The following RIPOR2 variants were observed in gnomAD, a reference collection of about 807,000 sequenced individuals.
RIPOR2 encodes RHO family interacting cell polarization regulator 2, also known as rho family-interacting cell polarization regulator 2.
RIPOR2 carries 39 observed loss-of-function variants against 114.5 expected under a neutral mutation model. The ratio of observed to expected loss-of-function variants is 0.34; its 90% CI spans 0.26 to 0.44. The LOEUF (loss-of-function observed/expected upper bound fraction) is 0.44. Among genes scored for constraint, RIPOR2 ranks in the 20% least tolerant of loss-of-function variants. The pLI is 1.00. For missense variants in RIPOR2, 1,007 were observed against 1,255.1 expected, an observed-to-expected ratio of 0.80 and a Z score of 2.99; for synonymous variants, 445 against 484.4, an observed-to-expected ratio of 0.92 and a Z score of 1.07.
At chr6:24,869,955 T>A (rs1884161) in intron 5 of RIPOR2, among the ~76,000 whole-genome samples, 61,563 of 151,958 alleles carry the variant, frequency 0.41, 13,096 homozygotes, top group African/African-American at 0.55. Context: ...TATGCATTTA[T>A]TTGCCTTTTA....
At chr6:24,910,871 T>C (rs1769497760) in intron 1 of RIPOR2, 5 of 985,164 alleles carry the variant, frequency 5.1e-6, no homozygotes, top group Non-Finnish European at 4.8e-6. Context: ...TTCTCTGGCA[T>C]ATAAAAGCCT....
chr6:25,033,554 G>A (rs1777100941), intron 1 of RIPOR2, among the ~76,000 whole-genome samples: 1 of 152,114 alleles, frequency 6.6e-6, no homozygotes, highest in African/African-American at 2.4e-5. Flanking sequence ...ATTGCTATTG[G>A]GTATTACTGC....
At chr6:25,019,835 T>A (rs1304391106) in intron 1 of RIPOR2, among the ~76,000 whole-genome samples, 1 of 148,744 alleles carries the variant, frequency 6.7e-6, no homozygotes, top group Admixed American at 6.7e-5. Context: ...GAAAAAGATG[T>A]CAATAAGTAT....
intron 1 of RIPOR2, among the ~76,000 whole-genome samples, chr6:25,036,488 T>C (rs2113772982): frequency 1.3e-5 from 2 of 152,224 alleles, no homozygotes; most frequent in South Asian, 4.2e-4. Flanking sequence ...AGTTCCTAAG[T>C]TCAATCAATC....
At chr6:24,976,182 T>C (rs750091330) in intron 1 of RIPOR2, among the ~76,000 whole-genome samples, 27 of 152,142 alleles carry the variant, frequency 1.8e-4, no homozygotes, top group Non-Finnish European at 3.2e-4. Context: ...GGAAAAAGAA[T>C]ATGTGCAAAC....
At chr6:24,939,330 G>A (rs1318935717), upstream of RIPOR2, among the ~76,000 whole-genome samples, 21 of 152,180 alleles carry the variant, frequency 1.4e-4, no homozygotes, top group Admixed American at 1.4e-3. Context: ...AGACAAAGGA[G>A]GCAGAGTAGG....
chr6:24,967,367 G>A (rs905801338), intron 1 of RIPOR2, among the ~76,000 whole-genome samples: 1 of 152,178 alleles, frequency 6.6e-6, no homozygotes, highest in Admixed American at 6.6e-5. Context: ...ACAGTATAAA[G>A]GATAAAGATG....
At chr6:24,922,542 A>C (rs894708820) in intron 1 of RIPOR2, among the ~76,000 whole-genome samples, 2 of 151,676 alleles carry the variant, frequency 1.3e-5, no homozygotes, top group Non-Finnish European at 2.9e-5. Context: ...TTTTGTACCC[A>C]TTCTGAACTC....
chr6:24,993,472 T>C (rs1774922609), intron 1 of RIPOR2, among the ~76,000 whole-genome samples: 1 of 152,372 alleles, frequency 6.6e-6, no homozygotes, highest in Non-Finnish European at 1.5e-5. Context: ...AGCCTATGAG[T>C]GTCATTATGT....
chr6:24,872,029 C>T (rs1765228713), intron 4 of RIPOR2, among the ~76,000 whole-genome samples: 1 of 152,148 alleles, frequency 6.6e-6, no homozygotes, highest in Admixed American at 6.5e-5. Flanking sequence ...GAGCACATTT[C>T]CTACAAAAGA....
Position 24,935,891 on chromosome 6 carries a change from A to G in RIPOR2, c.8T>C (p.Phe3Ser). Residue 3 changes from phenylalanine (F) to serine (S), a missense_variant, in exon 1 of 22, where the codon TTT becomes TCT. Phe to Ser is a radical substitution (Grantham distance 155). Coordinates refer to ENST00000643898, the MANE Select transcript of RIPOR2 (RefSeq NM_001286445.3). MQ[F>S]FDAEELLVDE... ...GACCAGGAGCTCCTCAGCATCAAAA[A>G]ACTGCATCTTGGAGAGGACAGGCGC... 6.5e-7 allele frequency: 1 copy of G among 1,535,344 alleles called. No individual in the cohort carries two copies. Among genetic ancestry groups the G allele is most frequent in the Non-Finnish European group, 8.7e-7 (1 of 1,146,668 alleles).
chr6:24,839,653 C>T, intron 13 of RIPOR2: 2 of 1,537,670 alleles, frequency 1.3e-6, no homozygotes. Flanking sequence ...AAACAAAAAA[C>T]AAAACCATGT....
intron 18 of RIPOR2, among the ~76,000 whole-genome samples, chr6:24,827,566 G>C (rs1025686056): frequency 1.3e-5 from 2 of 152,232 alleles, no homozygotes; most frequent in Non-Finnish European, 2.9e-5. Flanking sequence ...TCCCAAAGTG[G>C]AGTTTTCACT....
rs1776674456 is a variant in RIPOR2, at chr6:25,027,279, TCGAGAAG to T, written c.76+14565_76+14571del. Among the ~76,000 whole-genome samples, 5 of 152,172 alleles carry T rather than the reference TCGAGAAG, an allele frequency of 3.3e-5. No individual in the cohort carries two copies. The South Asian group carries it at 1.0e-3, about 32-fold the overall frequency. On this transcript the variant is annotated intron_variant, in intron 1 of 13. Coordinates refer to the RIPOR2 transcript ENST00000510784. Reference sequence around the variant, plus strand: ...CTTTGCTTACAAGACGGCCCAAGCATCGAGAAGCGAAGAAAAGCACTTAGCACACAGG... The same window carrying T: ...CTTTGCTTACAAGACGGCCCAAGCATCGAAGAAAAGCACTTAGCACACAGG...
intron 1 of RIPOR2, among the ~76,000 whole-genome samples, chr6:24,925,714 A>T (rs1166984166): frequency 6.6e-6 from 1 of 152,022 alleles, no homozygotes; most frequent in Non-Finnish European, 1.5e-5. Flanking sequence ...AAAAAAAAAA[A>T]ATTTGGTTCA....
At chr6:24,973,336 C>T (rs949767090) in intron 1 of RIPOR2, among the ~76,000 whole-genome samples, 1 of 152,092 alleles carries the variant, frequency 6.6e-6, no homozygotes, top group African/African-American at 2.4e-5. Context: ...GGCTTGGTGG[C>T]TTATGCCTGT....
At chr6:24,859,852 G>A (rs1763881668) in intron 8 of RIPOR2, among the ~76,000 whole-genome samples, 1 of 152,168 alleles carries the variant, frequency 6.6e-6, no homozygotes, top group Non-Finnish European at 1.5e-5. Flanking sequence ...GTAGAAAGAA[G>A]GTGATTAAAT....
chr6:24,967,442 T>C (rs1453390947), intron 1 of RIPOR2, among the ~76,000 whole-genome samples: 1 of 152,220 alleles, frequency 6.6e-6, no homozygotes, highest in African/African-American at 2.4e-5. Flanking sequence ...CTTGGTACCA[T>C]CTGTTCCAAT....
At position 24,849,946 on chromosome 6, in the gene RIPOR2, G is replaced by A. The variant is rs746731460; in HGVS notation, c.890C>T (p.Thr297Met). Residue 297 changes from threonine (T) to methionine (M), a missense_variant, in exon 11 of 22, where the codon ACG (threonine) becomes ATG (methionine). Physicochemically the swap from Thr to Met is moderately conservative, Grantham distance 81 (BLOSUM62 -1). Coordinates refer to ENST00000643898, the MANE Select transcript of RIPOR2 (RefSeq NM_001286445.3). ...GTGAGTTGCTAGCCCTTTGAGCTCC[G>A]TGACCTAGCAGAGAGAGTGGGAGAG... The part of the protein sequence containing the change: ...LIVGFISIKV[T>M]ELKGLATHIL... 2.3e-5 allele frequency: 37 copies of A among 1,613,360 alleles called. No individual in the cohort carries two copies. Among genetic ancestry groups the A allele is most frequent in the Non-Finnish European group, 3.1e-5 (36 of 1,179,488 alleles).
Sources: allele counts gnomAD v4.1 joint callset (sites outside exome capture counted in the v4.1 genomes callset), GRCh38; gene constraint gnomAD v4.1.1; transcripts MANE v1.5; gene names NCBI Gene and HGNC (gene_info 2026-07-23, HGNC 2026-07-21).